The following DCC variants were observed in gnomAD, a reference collection of about 807,000 sequenced individuals.
DCC encodes the protein DCC netrin 1 receptor.
In DCC, 58 loss-of-function variants were observed where a neutral mutation model predicts 172.5. The ratio of observed to expected loss-of-function variants is 0.34; its 90% CI spans 0.27 to 0.42. DCC has a LOEUF of 0.42. Among genes scored for constraint, DCC ranks in the 10% least tolerant of loss-of-function variants. DCC has a pLI of 1.00. For missense variants in DCC, 1,740 were observed against 1,791.0 expected (o/e 0.97, Z 0.51); for synonymous variants, 709 against 644.5 (o/e 1.10, Z -1.52).
intron 26 of DCC, among the ~76,000 whole-genome samples, chr18:53,490,964 T>A (rs1307089676): frequency 6.6e-6 from 1 of 152,188 alleles, no homozygotes; most frequent in African/African-American, 2.4e-5. Flanking sequence ...ATATATTCCG[T>A]CTTGAGGAAG....
chr18:52,882,266 TTTAG>T (rs764998401), intron 2 of DCC, among the ~76,000 whole-genome samples: 4 of 152,136 alleles, frequency 2.6e-5, no homozygotes, highest in Middle Eastern at 3.4e-3. Context: ...CCCTTTCTTT[TTTAG>T]TTCTTTATAG....
intron 5 of DCC, among the ~76,000 whole-genome samples, chr18:52,969,582 C>CACT (rs60961374): frequency 0.13 from 10,031 of 79,808 alleles, 598 homozygotes; most frequent in African/African-American, 0.14. Context: ...GCCCCGCCCC[C>CACT]CACTCTCTCT....
At chr18:52,916,504 G>A (rs1003926776) in intron 3 of DCC, among the ~76,000 whole-genome samples, 5 of 152,104 alleles carry the variant, frequency 3.3e-5, no homozygotes, top group African/African-American at 4.8e-5. Context: ...ATCTATAAAT[G>A]TTTCAACATT....
intron 1 of DCC, among the ~76,000 whole-genome samples, chr18:52,420,208 A>G (rs192017381): frequency 4.9e-4 from 74 of 152,286 alleles, no homozygotes; most frequent in African/African-American, 1.6e-3. Context: ...TTCTCAAGGA[A>G]AGAGAGTCAA....
In DCC at chr18:53,532,789, AC is replaced by A. The variant is rs2046536752; in HGVS notation, c.*2138del. On this transcript the variant is annotated 3_prime_UTR_variant, in exon 29 of 29. Coordinates refer to ENST00000442544, the MANE Select transcript of DCC (RefSeq NM_005215.4). ...TCTCAGATTTTAGGGATTGAGTCAC[AC>A]CTTCAATCTATAGAATGAAGTTGAC... 1 of 150,416 alleles carries A rather than the reference AC, an allele frequency of 6.6e-6. No homozygotes were observed. Among genetic ancestry groups the A allele is most frequent in the South Asian group, 2.1e-4 (1 of 4,718 alleles). The allele number at this position is 150,416 out of a possible 1,614,324, so 9.3% of individuals were successfully genotyped here.
At chr18:52,397,766 T>A (rs149780523) in intron 1 of DCC, among the ~76,000 whole-genome samples, 154 of 152,166 alleles carry the variant, frequency 1.0e-3, no homozygotes, top group Middle Eastern at 3.4e-3. Context: ...ACTCTGTGAC[T>A]CTACCTTTGA....
In DCC at chr18:52,728,370, A is replaced by C. The variant is rs1240174679; in HGVS notation, c.92-23684A>C. On this transcript the variant is annotated intron_variant, in intron 1 of 28. Transcript: ENST00000442544. ...GAGGCATTTAGGAGATCTCTCACCG[A>C]GTAGGCAGACTGAAGATTTCTCCCT... is the stretch of plus-strand genomic sequence containing the variant. Among the ~76,000 whole-genome samples the C allele has an allele frequency of 5.3e-5, 8 of 152,306 alleles. No homozygotes were observed. The South Asian group carries it at 1.5e-3, about 28-fold the overall frequency.
At chr18:53,263,341 A>T (rs554235216) in intron 12 of DCC, among the ~76,000 whole-genome samples, 1 of 152,030 alleles carries the variant, frequency 6.6e-6, no homozygotes, top group Non-Finnish European at 1.5e-5. Flanking sequence ...TAGTAGAGAC[A>T]GGGTTTTGCT....
intron 5 of DCC, among the ~76,000 whole-genome samples, chr18:52,969,306 GAACAAAC>G (rs147814086): frequency 0.021 from 3,241 of 152,098 alleles, 57 homozygotes; most frequent in Admixed American, 0.039. Context: ...TAGCTGAAAT[GAACAAAC>G]AATCTTTGTC....
At chr18:52,804,372 C>T (rs1462225158) in intron 2 of DCC, among the ~76,000 whole-genome samples, 1 of 152,194 alleles carries the variant, frequency 6.6e-6, no homozygotes, top group East Asian at 1.9e-4. Flanking sequence ...CCAGGCCACT[C>T]ATGACCAAAA....
intron 25 of DCC, among the ~76,000 whole-genome samples, chr18:53,472,318 G>T (rs1025950159): frequency 3.3e-5 from 5 of 152,108 alleles, no homozygotes; most frequent in Non-Finnish European, 5.9e-5. Context: ...GACTCAAAAG[G>T]TCTGATTTCA....
chr18:52,867,424 C>G (rs2039245351), intron 2 of DCC, among the ~76,000 whole-genome samples: 1 of 151,822 alleles, frequency 6.6e-6, no homozygotes, highest in Admixed American at 6.6e-5. Flanking sequence ...CCCTCTTTTT[C>G]AATTGTTTGG....
intron 2 of DCC, among the ~76,000 whole-genome samples, chr18:52,802,478 CA>C (rs1378139684): frequency 1.6e-5 from 1 of 64,102 alleles, no homozygotes; most frequent in Non-Finnish European, 4.0e-5. Context: ...TTACTCCCAG[CA>C]ATTTTTTTTT....
At chr18:52,993,858 ACT>A (rs147460567) in intron 5 of DCC, among the ~76,000 whole-genome samples, 25 of 147,998 alleles carry the variant, frequency 1.7e-4, no homozygotes, top group East Asian at 2.0e-4. Context: ...CATACTCTCC[ACT>A]CTCTCTCTCT....
At chr18:52,996,082 G>A (rs2041473107) in intron 5 of DCC, among the ~76,000 whole-genome samples, 1 of 151,950 alleles carries the variant, frequency 6.6e-6, no homozygotes, top group African/African-American at 2.4e-5. Flanking sequence ...CTTGGCTGTG[G>A]CAGGGAGATG....
At chr18:53,331,614 T>A (rs1042796155) in intron 14 of DCC, among the ~76,000 whole-genome samples, 1 of 152,224 alleles carries the variant, frequency 6.6e-6, no homozygotes, top group African/African-American at 2.4e-5. Flanking sequence ...AAGTTGGCAG[T>A]GTTTAAATAA....
intron 1 of DCC, among the ~76,000 whole-genome samples, chr18:52,646,801 A>G (rs1019636712): frequency 1.3e-5 from 2 of 152,186 alleles, no homozygotes; most frequent in Non-Finnish European, 2.9e-5. Context: ...TGCTCATCAA[A>G]CCTAGTTATT....
intron 12 of DCC, among the ~76,000 whole-genome samples, chr18:53,264,667 G>A (rs955483877): frequency 2.0e-5 from 3 of 151,938 alleles, no homozygotes; most frequent in African/African-American, 7.3e-5. Context: ...AGTCTTTCAG[G>A]TTCAGTGGAA....
intron 9 of DCC, among the ~76,000 whole-genome samples, chr18:53,204,033 C>A (rs559806851): frequency 1.4e-4 from 21 of 152,034 alleles, no homozygotes; most frequent in Non-Finnish European, 2.6e-4. Flanking sequence ...TCTAATGAGC[C>A]CATTTGGCAT....
Sources: gnomAD v4.1 joint callset for allele counts (sites outside exome capture counted in the v4.1 genomes callset) on GRCh38, gnomAD v4.1.1 for gene constraint, MANE v1.5 for transcripts, NCBI Gene and HGNC (gene_info 2026-07-23, HGNC 2026-07-21) for gene names.